The following SEC14L1 variants were observed in gnomAD, a reference collection of about 807,000 sequenced individuals.
SEC14L1 encodes SEC14 like lipid binding 1.
Under a neutral mutation model 85.3 loss-of-function variants are expected in SEC14L1, and 48 were observed. That is an observed-to-expected ratio of 0.56 (90% CI 0.45 to 0.72). The LOEUF (loss-of-function observed/expected upper bound fraction) is 0.72. Among genes scored for constraint, SEC14L1 ranks in the 30% least tolerant of loss-of-function variants. The pLI is 0.00. For synonymous variants in SEC14L1, 391 were observed against 355.5 expected (o/e 1.10, Z -1.12); for missense variants, 682 against 921.4 (o/e 0.74, Z 3.36).
chr17:77,091,083 T>G (rs1567863701), intron 2 of SEC14L1, among the ~76,000 whole-genome samples: 1 of 150,576 alleles, frequency 6.6e-6, no homozygotes, highest in Non-Finnish European at 1.5e-5. Context: ...ATTTTTGGGG[T>G]TTTTGTTTTG....
intron 3 of SEC14L1, among the ~76,000 whole-genome samples, chr17:77,157,060 C>A (rs901576789): frequency 6.6e-6 from 1 of 152,128 alleles, no homozygotes; most frequent in African/African-American, 2.4e-5. Context: ...TTACATAATT[C>A]TTGTTTTCTT....
intron 3 of SEC14L1, chr17:77,094,345 TGGGGTGCTGCAGTA>T (rs1971589099): frequency 6.6e-6 from 1 of 152,094 alleles, no homozygotes; most frequent in African/African-American, 2.4e-5. Context: ...TGAAATTCCC[TGGGGTGCTGCAGTA>T]GAGGAAGGTT....
intron 8 of SEC14L1, among the ~76,000 whole-genome samples, 175 bp from the exon 9 acceptor site, chr17:77,200,309 C>G (rs2143105902): frequency 6.6e-6 from 1 of 152,172 alleles, no homozygotes; most frequent in East Asian, 1.9e-4. Flanking sequence ...GCTGGGATTA[C>G]AGGCATGCAC....
At chr17:77,165,122 T>C (rs907521691) in intron 3 of SEC14L1, among the ~76,000 whole-genome samples, 5 of 152,344 alleles carry the variant, frequency 3.3e-5, no homozygotes, top group South Asian at 2.1e-4. Context: ...TTGACTGATA[T>C]TTATCTTCAG....
intron 3 of SEC14L1, among the ~76,000 whole-genome samples, chr17:77,163,403 T>C (rs1204871120): frequency 4.0e-4 from 2 of 5,050 alleles, no homozygotes; most frequent in Admixed American, 4.4e-3. Flanking sequence ...CAGTCAGAGC[T>C]TGCCAGCTCC....
At chr17:77,127,381 G>A (rs188743427) in intron 3 of SEC14L1, among the ~76,000 whole-genome samples, 6 of 152,018 alleles carry the variant, frequency 3.9e-5, no homozygotes, top group East Asian at 3.9e-4. Context: ...ATGGAGTCTC[G>A]CCCTGTCACC....
At chr17:77,207,377 T>C (rs553908029) in intron 13 of SEC14L1, among the ~76,000 whole-genome samples, 1 of 151,814 alleles carries the variant, frequency 6.6e-6, no homozygotes, top group East Asian at 1.9e-4. Flanking sequence ...ACTGTAGGCG[T>C]GCACCACCAT....
chr17:77,189,175 ATG>A (rs1975405396), intron 3 of SEC14L1, among the ~76,000 whole-genome samples: 1 of 152,206 alleles, frequency 6.6e-6, no homozygotes, highest in African/African-American at 2.4e-5. Flanking sequence ...GTGAAATAGA[ATG>A]AGTGTTCTCA....
chr17:77,162,825 T>G (rs11650216), intron 3 of SEC14L1, among the ~76,000 whole-genome samples: 12,569 of 95,526 alleles, frequency 0.13, 743 homozygotes, highest in Non-Finnish European at 0.17. Flanking sequence ...AGCGAAACTC[T>G]GTCTCAAAAA....
intron 3 of SEC14L1, among the ~76,000 whole-genome samples, chr17:77,151,345 T>C (rs1475027137): frequency 1.3e-5 from 2 of 152,154 alleles, no homozygotes; most frequent in East Asian, 3.8e-4. Flanking sequence ...TCAGATTTAG[T>C]TGGTTTTGAA....
At chr17:77,101,542 C>T (rs1309773633) in intron 3 of SEC14L1, among the ~76,000 whole-genome samples, 2 of 152,134 alleles carry the variant, frequency 1.3e-5, no homozygotes, top group East Asian at 1.9e-4. Context: ...AGAAGGCCCA[C>T]GTTGTTGCAT....
intron 3 of SEC14L1, among the ~76,000 whole-genome samples, chr17:77,178,574 C>T (rs1436045695): frequency 6.6e-6 from 1 of 152,176 alleles, no homozygotes; most frequent in African/African-American, 2.4e-5. Flanking sequence ...TTGTGGAAGA[C>T]AGTTGTTCCA....
At position 77,212,079 on chromosome 17, in the gene SEC14L1, G is replaced by A. The variant is rs78105087; in HGVS notation, c.1741G>A (p.Ala581Thr). The change falls in exon 15 of 17, where the codon GCC becomes ACC. Residue 581 changes from alanine to threonine, a missense_variant. This residue lies in a region of SEC14L1 where 420 missense variants were observed against 619.5 expected (regional missense o/e 0.68). Transcript: ENST00000436233. ...PQPPKKDSLG[A>T]HSITSPGGNN... ...ACCACCCAAAAAGGACTCCCTGGGA[G>A]CCCACAGCATCACCTCTCCGGGTGG... 7.4e-6 allele frequency: 12 copies of A among 1,614,030 alleles called. No homozygotes were observed. The highest frequency in any genetic ancestry group is 1.0e-5 in the Non-Finnish European group (12 of 1,180,044).
chr17:77,157,640 G>A (rs1417952177), intron 3 of SEC14L1, among the ~76,000 whole-genome samples: 1 of 151,604 alleles, frequency 6.6e-6, no homozygotes, highest in African/African-American at 2.4e-5. Flanking sequence ...CGATTCTTCT[G>A]CCTCAGCCTC....
intron 3 of SEC14L1, among the ~76,000 whole-genome samples, chr17:77,188,285 A>G (rs1355143154): frequency 6.6e-6 from 1 of 152,026 alleles, no homozygotes; most frequent in African/African-American, 2.4e-5. Context: ...TTACAGCCAC[A>G]CCTGCTTCGC....
intron 3 of SEC14L1, 144 bp from the exon 4 acceptor site, chr17:77,190,659 A>G (rs1489707838): frequency 2.7e-6 from 2 of 742,202 alleles, no homozygotes; most frequent in Admixed American, 2.7e-5. Context: ...TTCTTCTTTA[A>G]TGAAAGCTTC....
At chr17:77,187,354 A>G (rs1045079320) in intron 3 of SEC14L1, among the ~76,000 whole-genome samples, 4 of 151,256 alleles carry the variant, frequency 2.6e-5, no homozygotes, top group Middle Eastern at 3.4e-3. Context: ...TACAGCCTAG[A>G]TTCTTACTAC....
chr17:77,130,772 A>AATTTTTGT (rs2143444721), intron 3 of SEC14L1, among the ~76,000 whole-genome samples: 1 of 152,114 alleles, frequency 6.6e-6, no homozygotes, highest in Non-Finnish European at 1.5e-5. Flanking sequence ...ATGCCCAGCT[A>AATTTTTGT]ATTTTTGTAT....
chr17:77,116,545 CCTGCTCCTGT>C (rs1972175609), intron 3 of SEC14L1, among the ~76,000 whole-genome samples: 2 of 152,100 alleles, frequency 1.3e-5, no homozygotes, highest in Admixed American at 6.6e-5. Context: ...GGAGGAGGCA[CCTGCTCCTGT>C]CTGAACAGAG....
Sources: gnomAD v4.1 joint callset for allele counts (sites outside exome capture counted in the v4.1 genomes callset) on GRCh38, gnomAD v4.1.1 for gene constraint, gnomAD v4.1.1 regional missense constraint, MANE v1.5 for transcripts, NCBI Gene and HGNC (gene_info 2026-07-23, HGNC 2026-07-21) for gene names.